TMEM106B: variants seen among roughly 807,000 people sequenced by gnomAD.
TMEM106B encodes the protein transmembrane protein 106B.
TMEM106B carries 15 observed loss-of-function variants against 31.1 expected under a neutral mutation model. The ratio of observed to expected loss-of-function variants is 0.48; its 90% CI spans 0.32 to 0.74. TMEM106B has a LOEUF of 0.74. TMEM106B is among the 30% of genes least tolerant of loss of function. The pLI, the probability that TMEM106B is intolerant of heterozygous loss-of-function variation, is 0.03. For missense variants in TMEM106B, 283 were observed against 327.3 expected, an observed-to-expected ratio of 0.86 and a Z score of 1.04; for synonymous variants, 126 against 112.5, an observed-to-expected ratio of 1.12 and a Z score of -0.76.
At chr7:12,231,424 A>C (rs1006305928) in intron 7 of TMEM106B, 4 of 280,858 alleles carry the variant, frequency 1.4e-5, no homozygotes, top group Non-Finnish European at 2.0e-5. Context: ...CATTAACAGT[A>C]ATAAGAATAT....
chr7:12,235,643 G>T lies in TMEM106B; in HGVS notation c.*3668G>T, dbSNP rs1048909026. 1 of 151,684 alleles carries T rather than the reference G, an allele frequency of 6.6e-6. No homozygotes were observed. Among genetic ancestry groups the T allele is most frequent in the Non-Finnish European group, 1.5e-5 (1 of 67,772 alleles). 9.4% of individuals were successfully genotyped at this position (151,684 alleles called of 1,614,324 possible). ...ATAATTCTAGATATTTTCTTGGAGG[G>T]CATGTGCCCAACTCTCCCGCACCCC... On this transcript the variant is annotated 3_prime_UTR_variant, in exon 8 of 8. Transcript: ENST00000396668.
At position 12,240,639 on chromosome 7, in the gene TMEM106B, G is replaced by A. The variant is rs958809293; in HGVS notation, c.*8664G>A. On this transcript the variant is annotated 3_prime_UTR_variant, in exon 8 of 8. Coordinates refer to ENST00000396668, the MANE Select transcript of TMEM106B (RefSeq NM_001134232.2). ...GTGCTCCTCCTAGCCAGTTTCTCAA[G>A]GGAGAAGAATCATTAATAAGTTTGT... The A allele has an allele frequency of 6.6e-6, 1 of 151,488 alleles. No individual in the cohort carries two copies. The allele number at this position is 151,488 out of a possible 1,614,324, so 9.4% of individuals were successfully genotyped here.
In TMEM106B at chr7:12,224,310, C is replaced by T. The variant is rs144711908; in HGVS notation, c.366C>T (p.Asp122=). The T allele has an allele frequency of 4.3e-5, 70 of 1,613,938 alleles. No homozygotes were observed. In the African/African-American group the frequency reaches 4.5e-4, roughly 10 times the overall value. Reference sequence around the variant, plus strand: ...TTTTCCTTTTCCCTCGCTCTATCGACGTGAAATACATTGGTGTAAAATCAG... The same window carrying T: ...TTTTCCTTTTCCCTCGCTCTATCGATGTGAAATACATTGGTGTAAAATCAG... The part of the protein sequence containing the change: ...AVFFLFPRSI[D]VKYIGVKSAY... The change falls in exon 4 of 8, where the codon GAC becomes GAT. Residue 122 remains aspartate, a synonymous_variant. Coordinates refer to ENST00000396668, the MANE Select transcript of TMEM106B (RefSeq NM_001134232.2).
rs536798858 is a variant in TMEM106B, at chr7:12,239,989, A to G, written c.*8014A>G. ...AAGAAACCAATTCATCAAAACCACAATATCTGCAAAACGCAATAAGGTGAT... is the reference window on the plus strand; with the variant it reads ...AAGAAACCAATTCATCAAAACCACAGTATCTGCAAAACGCAATAAGGTGAT... On this transcript the variant is annotated 3_prime_UTR_variant, in exon 8 of 8. Transcript: ENST00000396668. 29 of 152,302 alleles carry G rather than the reference A, an allele frequency of 1.9e-4. 3 individuals carry two copies. Among genetic ancestry groups the G allele is most frequent in the Admixed American group, 1.5e-3 (23 of 15,290 alleles). The allele number at this position is 152,302 out of a possible 1,614,324, so 9.4% of individuals were successfully genotyped here.
At chr7:12,218,418 T>C (rs1208182969) in intron 2 of TMEM106B, 40 bp from the exon 3 acceptor site, 5 of 1,550,514 alleles carry the variant, frequency 3.2e-6, no homozygotes, top group Non-Finnish European at 4.4e-6. Flanking sequence ...TATTTTTAAC[T>C]AATCATAGTA....
intron 3 of TMEM106B, among the ~76,000 whole-genome samples, chr7:12,222,237 C>A (rs1022270475): frequency 1.3e-5 from 2 of 152,096 alleles, no homozygotes; most frequent in African/African-American, 4.8e-5. Flanking sequence ...CCTTATAACT[C>A]CCAGGATTTG....
rs1043998350 is a variant in TMEM106B at position 12,237,603 on chromosome 7, A to G, written c.*5628A>G. The G allele has an allele frequency of 6.6e-6, 1 of 152,122 alleles. No homozygotes were observed. The highest frequency in any genetic ancestry group is 1.5e-5 in the Non-Finnish European group (1 of 68,018). The allele number at this position is 152,122 out of a possible 1,614,324, so 9.4% of individuals were successfully genotyped here. On this transcript the variant is annotated 3_prime_UTR_variant, in exon 8 of 8. Coordinates refer to ENST00000396668, the MANE Select transcript of TMEM106B (RefSeq NM_001134232.2). Reference sequence around the variant, plus strand: ...TTTTTGGTTTCCCAGTGCATATGAAAGTTATGTTTACATCATACTGTAGTC... The same window carrying G: ...TTTTTGGTTTCCCAGTGCATATGAAGGTTATGTTTACATCATACTGTAGTC...
At position 12,232,073 on chromosome 7, in the gene TMEM106B, A is replaced by C. The variant is rs895993877; in HGVS notation, c.*98A>C. On this transcript the variant is annotated 3_prime_UTR_variant, in exon 8 of 8. Coordinates refer to ENST00000396668, the MANE Select transcript of TMEM106B (RefSeq NM_001134232.2). The stretch of plus-strand genomic sequence containing the variant: ...CTAATAGGAGACCTTAAATTGAACA[A>C]ACCTAAAGTTTACACTTCTAAGAGT... 5 of 1,206,170 alleles carry C rather than the reference A, an allele frequency of 4.1e-6. No homozygotes were observed. The South Asian group carries it at 5.4e-5, about 13-fold the overall frequency. 74.7% of individuals were successfully genotyped at this position (1,206,170 alleles called of 1,614,324 possible). A position where few individuals can be genotyped will look rare whatever the true frequency, so the allele number is the denominator to read the frequency against.
At position 12,229,685 on chromosome 7, in the gene TMEM106B, C is replaced by G. The variant is rs751129449; in HGVS notation, c.448C>G (p.Leu150Val). ...RTIYLNITNT[L>V]NITNNNYYSV... ...CTGTGTCCTTTTTTTGTAGAACACA[C>G]TAAATATAACAAACAATAACTATTA... The change falls in exon 5 of 8, where the codon CTA (leucine) becomes GTA (valine). Residue 150 changes from leucine (L) to valine (V), a missense_variant. Transcript: ENST00000396668. 1 of 1,584,564 alleles carries G rather than the reference C, an allele frequency of 6.3e-7. No homozygotes were observed. Among genetic ancestry groups the G allele is most frequent in the South Asian group, 1.2e-5 (1 of 85,440 alleles).
At chr7:12,229,472 C>T (rs865937774) in intron 4 of TMEM106B, among the ~76,000 whole-genome samples, 1 of 151,942 alleles carries the variant, frequency 6.6e-6, no homozygotes, top group African/African-American at 2.4e-5. Context: ...TTTTTAAATA[C>T]TGAATTATGT....
At chr7:12,231,673 C>T in intron 7 of TMEM106B, 164 bp from the exon 8 acceptor site, 2 of 536,352 alleles carry the variant, frequency 3.7e-6, no homozygotes, top group African/African-American at 1.9e-5. Context: ...TTTTTGTTGT[C>T]TGTTGGGGAA....
chr7:12,229,573 TTTC>T, intron 4 of TMEM106B, 103 bp from the exon 5 acceptor site: 1 of 975,176 alleles, frequency 1.0e-6, no homozygotes, highest in East Asian at 2.8e-5. Context: ...TTACTTTCTT[TTTC>T]TTAATAAATG....
rs190456074 is a variant in TMEM106B at position 12,233,920 on chromosome 7, C to T, written c.*1945C>T. On this transcript the variant is annotated 3_prime_UTR_variant, in exon 8 of 8. Coordinates refer to ENST00000396668, the MANE Select transcript of TMEM106B (RefSeq NM_001134232.2). ...TGCTTCTCCATATGTGACCAGTCAC[C>T]TGTCTGCTTTCACATTTAGCTAGTG... 1.3e-5 allele frequency: 2 copies of T among 151,694 alleles called. No homozygotes were observed. Among genetic ancestry groups the T allele is most frequent in the East Asian group, 1.9e-4 (1 of 5,176 alleles). The allele number at this position is 151,694 out of a possible 1,614,324, so 9.4% of individuals were successfully genotyped here.
chr7:12,216,016 C>G (rs1042500817), intron 2 of TMEM106B, among the ~76,000 whole-genome samples: 1 of 151,902 alleles, frequency 6.6e-6, no homozygotes, highest in Admixed American at 6.6e-5. Context: ...GGAAGAAGGT[C>G]AAAGTATAAA....
chr7:12,214,480 C>G, intron 1 of TMEM106B: 2 of 224,714 alleles, frequency 8.9e-6, no homozygotes, highest in Non-Finnish European at 1.8e-5. Flanking sequence ...CCCCAGCCTT[C>G]CACCCCTGCT....
At position 12,229,674 on chromosome 7, in the gene TMEM106B, T is replaced by C; in HGVS notation, c.442-5T>C. ...TTGTAAATTTTCTGTGTCCTTTTTTTGTAGAACACACTAAATATAACAAAC... is the reference window on the plus strand; with the variant it reads ...TTGTAAATTTTCTGTGTCCTTTTTTCGTAGAACACACTAAATATAACAAAC... On this transcript the variant is annotated splice_region_variant and splice_polypyrimidine_tract_variant and intron_variant, in intron 4 of 7. Transcript: ENST00000396668. 1 of 1,550,408 alleles carries C rather than the reference T, an allele frequency of 6.4e-7. No homozygotes were observed. The highest frequency in any genetic ancestry group is 8.7e-7 in the Non-Finnish European group (1 of 1,151,906).
At chr7:12,231,334 T>C in intron 7 of TMEM106B, 1 of 444,664 alleles carries the variant, frequency 2.2e-6, no homozygotes, top group Middle Eastern at 6.1e-4. Context: ...TGAATCTGGA[T>C]GTCACAAGAG....
intron 3 of TMEM106B, among the ~76,000 whole-genome samples, chr7:12,222,445 A>G (rs895619634): frequency 5.3e-5 from 8 of 152,190 alleles, no homozygotes; most frequent in African/African-American, 1.9e-4. Context: ...AACATGATTC[A>G]TTTATTCACA....
intron 3 of TMEM106B, among the ~76,000 whole-genome samples, chr7:12,220,942 G>A (rs932820673): frequency 1.3e-5 from 2 of 152,120 alleles, no homozygotes; most frequent in African/African-American, 4.8e-5. Context: ...TTGACAATAT[G>A]TTTTTCTTTG....
Sources: gnomAD v4.1 joint callset for allele counts (sites outside exome capture counted in the v4.1 genomes callset) on GRCh38, gnomAD v4.1.1 for gene constraint, MANE v1.5 for transcripts, NCBI Gene and HGNC (gene_info 2026-07-23, HGNC 2026-07-21) for gene names.